CXADR: variants seen among roughly 807,000 people sequenced by gnomAD.
CXADR encodes the protein CXADR cell adhesion molecule.
In CXADR, 20 loss-of-function variants were observed where a neutral mutation model predicts 40.3. That is an observed-to-expected ratio of 0.50 (90% CI 0.35 to 0.72). The LOEUF (loss-of-function observed/expected upper bound fraction) is 0.72, where lower values mean the gene tolerates loss of function less well. Ranked by LOEUF, CXADR falls within the 30% of genes least tolerant of loss-of-function variation. The pLI, the probability that CXADR is intolerant of heterozygous loss-of-function variation, is 0.01. For missense variants in CXADR, 332 were observed against 449.1 expected (o/e 0.74, Z 2.36); for synonymous variants, 150 against 161.3 (o/e 0.93, Z 0.53).
chr21:17,561,553 A>G, intron 6 of CXADR, 77 bp downstream of exon 6: 1 of 1,281,720 alleles, frequency 7.8e-7, no homozygotes, highest in Non-Finnish European at 1.1e-6. Flanking sequence ...TCTCTTATTA[A>G]CCACCCAAAG....
At chr21:17,585,705 A>G (rs2061390725) in intron 7 of CXADR, among the ~76,000 whole-genome samples, 1 of 152,176 alleles carries the variant, frequency 6.6e-6, no homozygotes, top group Non-Finnish European at 1.5e-5. Context: ...TTTTTAGTAC[A>G]GACGGGGTTT....
the CXADR span, among the ~76,000 whole-genome samples, chr21:17,621,360 C>T: frequency 1.3e-5 from 2 of 151,876 alleles, no homozygotes; most frequent in Admixed American, 6.6e-5. Context: ...GGGGTGGGGA[C>T]GGGGGAAGGA....
the CXADR span, among the ~76,000 whole-genome samples, chr21:17,614,916 T>A: frequency 6.6e-6 from 1 of 152,208 alleles, no homozygotes; most frequent in Admixed American, 6.5e-5. Context: ...GCCCCAGCTC[T>A]CTTTCCTTGT....
the CXADR span, among the ~76,000 whole-genome samples, chr21:17,618,708 T>A: frequency 6.6e-6 from 1 of 152,108 alleles, no homozygotes; most frequent in African/African-American, 2.4e-5. Context: ...GGCTAATTTT[T>A]GTATTTTTAG....
At chr21:17,601,687 C>G in the CXADR span, among the ~76,000 whole-genome samples, 1 of 152,176 alleles carries the variant, frequency 6.6e-6, no homozygotes, top group Non-Finnish European at 1.5e-5. Context: ...AATTTCAAGA[C>G]AATCAAGGGT....
At chr21:17,540,539 G>C (rs936422068) in intron 1 of CXADR, among the ~76,000 whole-genome samples, 1 of 152,138 alleles carries the variant, frequency 6.6e-6, no homozygotes, top group Non-Finnish European at 1.5e-5. Context: ...TGCTGGAGGG[G>C]ACTGGTTCTA....
At chr21:17,518,400 TA>T in intron 1 of CXADR, 1 of 543,586 alleles carries the variant, frequency 1.8e-6, no homozygotes, top group Non-Finnish European at 3.3e-6. Flanking sequence ...TGAACAGCAT[TA>T]TTAATATACA....
At chr21:17,623,858 C>T in the CXADR span, among the ~76,000 whole-genome samples, 1 of 152,142 alleles carries the variant, frequency 6.6e-6, no homozygotes, top group Non-Finnish European at 1.5e-5. Flanking sequence ...ACCTAATTTT[C>T]AATTCTTTTT....
intron 7 of CXADR, among the ~76,000 whole-genome samples, chr21:17,580,418 A>T (rs1410486961): frequency 6.6e-6 from 1 of 152,166 alleles, no homozygotes; most frequent in African/African-American, 2.4e-5. Flanking sequence ...CAGGAGTTGG[A>T]GACCAGCCTG....
At position 17,566,467 on chromosome 21, in the gene CXADR, G is replaced by C; in HGVS notation, c.*775G>C. 4.1e-6 allele frequency: 4 copies of C among 985,440 alleles called. No individual in the cohort carries two copies. Among genetic ancestry groups the C allele is most frequent in the Non-Finnish European group, 4.8e-6 (4 of 829,934 alleles). The allele number at this position is 985,440 out of a possible 1,614,324, so 61.0% of individuals were successfully genotyped here. On this transcript the variant is annotated 3_prime_UTR_variant, in exon 7 of 7. Transcript: ENST00000284878. Reference sequence around the variant, plus strand: ...TAGCAGGGATAGATTTTGTTGGTGAGTAGTCTCATGCCTTGAGATCTGTGG... The same window carrying C: ...TAGCAGGGATAGATTTTGTTGGTGACTAGTCTCATGCCTTGAGATCTGTGG...
Position 17,567,837 on chromosome 21 carries a change from G to C in CXADR, c.*2145G>C, listed in dbSNP as rs1479518759. 1 of 960,956 alleles carries C rather than the reference G, an allele frequency of 1.0e-6. No homozygotes were observed. The highest frequency in any genetic ancestry group is 1.2e-6 in the Non-Finnish European group (1 of 809,064). 59.5% of individuals were successfully genotyped at this position (960,956 alleles called of 1,614,324 possible). On this transcript the variant is annotated 3_prime_UTR_variant, in exon 7 of 7. Coordinates refer to ENST00000284878, the MANE Select transcript of CXADR (RefSeq NM_001338.5). The stretch of plus-strand genomic sequence containing the variant: ...ATCTAAGTAGAAGTTATCATAGAAA[G>C]TGGACACGTATAAGACTTTCCTTCC...
At chr21:17,522,639 T>G (rs958995189) in intron 1 of CXADR, among the ~76,000 whole-genome samples, 11 of 152,212 alleles carry the variant, frequency 7.2e-5, no homozygotes, top group African/African-American at 2.7e-4. Context: ...CATCGTATCT[T>G]CAGCCTCTTA....
intron 7 of CXADR, among the ~76,000 whole-genome samples, chr21:17,575,647 A>C (rs1478679097): frequency 6.6e-6 from 1 of 151,636 alleles, no homozygotes; most frequent in Non-Finnish European, 1.5e-5. Flanking sequence ...TCCACTACCA[A>C]GCCCAGCTAA....
intron 1 of CXADR, among the ~76,000 whole-genome samples, chr21:17,533,756 G>C (rs111365554): frequency 6.6e-6 from 1 of 151,872 alleles, no homozygotes; most frequent in African/African-American, 2.4e-5. Context: ...TTTCCTGGGG[G>C]CCTGCTTTTT....
chr21:17,565,845 G>A lies in CXADR; in HGVS notation c.*153G>A. The A allele has an allele frequency of 7.6e-7, 1 of 1,317,732 alleles. No homozygotes were observed. Among genetic ancestry groups the A allele is most frequent in the East Asian group, 2.8e-5 (1 of 35,640 alleles). 81.6% of individuals were successfully genotyped at this position (1,317,732 alleles called of 1,614,324 possible). On this transcript the variant is annotated 3_prime_UTR_variant, in exon 7 of 7. Coordinates refer to ENST00000284878, the MANE Select transcript of CXADR (RefSeq NM_001338.5). The stretch of plus-strand genomic sequence containing the variant: ...ACGGAATATATTTTTAAAAATTTTT[G>A]TTTGGTTATATCGAAATAGTTACAG...
chr21:17,550,206 T>TTAGCAGACGTGGTGGTGGGCACTTG (rs1385416452), intron 2 of CXADR, among the ~76,000 whole-genome samples: 1 of 151,948 alleles, frequency 6.6e-6, no homozygotes, highest in Non-Finnish European at 1.5e-5. Context: ...AATACAAAAA[T>TTAGCAGACGTGGTGGTGGGCACTTG]TAGCAGACGT....
At chr21:17,551,391 T>C (rs1319387077) in intron 2 of CXADR, among the ~76,000 whole-genome samples, 1 of 150,774 alleles carries the variant, frequency 6.6e-6, no homozygotes, top group African/African-American at 2.5e-5. Flanking sequence ...AGACTCCACC[T>C]CAAAAAGAAA....
intron 1 of CXADR, among the ~76,000 whole-genome samples, chr21:17,525,491 T>C (rs961032597): frequency 6.6e-6 from 1 of 152,216 alleles, no homozygotes; most frequent in African/African-American, 2.4e-5. Context: ...GTTCAGTTGT[T>C]GGAGTGACTA....
chr21:17,582,120 T>C (rs2123383075), intron 7 of CXADR, among the ~76,000 whole-genome samples: 1 of 42 alleles, frequency 0.024, no homozygotes, highest in East Asian at 0.5. Flanking sequence ...GCCACATAGC[T>C]AGGAGTGGGA....
Sources: allele counts gnomAD v4.1 joint callset (sites outside exome capture counted in the v4.1 genomes callset), GRCh38; gene constraint gnomAD v4.1.1; transcripts MANE v1.5; gene names NCBI Gene and HGNC (gene_info 2026-07-23, HGNC 2026-07-21).